The following SENP5 variants were observed in gnomAD, a reference collection of about 807,000 sequenced individuals.
SENP5 encodes sentrin-specific protease 5.
A neutral mutation model predicts 74.2 loss-of-function variants in SENP5; 21 were observed. That is an observed-to-expected ratio of 0.28 (90% confidence interval 0.20 to 0.41). The LOEUF (loss-of-function observed/expected upper bound fraction) is 0.41. SENP5 is among the 10% of genes least tolerant of loss of function. The pLI, the probability that SENP5 is intolerant of heterozygous loss-of-function variation, is 1.00. For missense variants in SENP5, 717 were observed against 889.1 expected (o/e 0.81, Z 2.46); for synonymous variants, 311 against 312.7 (o/e 0.99, Z 0.06).
chr3:196,918,736 TA>T (rs1715488988), intron 6 of SENP5, among the ~76,000 whole-genome samples: 1 of 151,686 alleles, frequency 6.6e-6, no homozygotes, highest in African/African-American at 2.4e-5. Flanking sequence ...GAAAGAAAAA[TA>T]AGACCCAACC....
chr3:196,914,582 A>ATATAT (rs1217677663), intron 6 of SENP5: 56 of 65,846 alleles, frequency 8.5e-4, no homozygotes, highest in African/African-American at 2.4e-3. Context: ...AAAAAAAAAA[A>ATATAT]AAAAATATAT....
intron 1 of SENP5, among the ~76,000 whole-genome samples, chr3:196,876,517 CA>C (rs11294142): frequency 0.42 from 39,539 of 95,236 alleles, 5,887 homozygotes; most frequent in East Asian, 0.74. Context: ...GATTCTGTCT[CA>C]AAAAAAAAAA....
At chr3:196,911,479 C>T (rs892416537) in intron 6 of SENP5, among the ~76,000 whole-genome samples, 1 of 151,560 alleles carries the variant, frequency 6.6e-6, no homozygotes, top group Non-Finnish European at 1.5e-5. Flanking sequence ...AATTGCTTGA[C>T]CTGGGAAGTG....
intron 6 of SENP5, among the ~76,000 whole-genome samples, chr3:196,918,853 AAGAG>A (rs1290852708): frequency 1.3e-5 from 2 of 151,344 alleles, no homozygotes; most frequent in Non-Finnish European, 2.9e-5. Flanking sequence ...AAGCCAAAAA[AAGAG>A]AGCAGAGTAG....
chr3:196,921,191 T>C (rs1254130192), intron 6 of SENP5, among the ~76,000 whole-genome samples: 3 of 152,244 alleles, frequency 2.0e-5, no homozygotes, highest in Admixed American at 2.0e-4. Flanking sequence ...AATTCACTTA[T>C]GTTTCATATT....
At chr3:196,876,738 G>T (rs1368661480) in intron 1 of SENP5, among the ~76,000 whole-genome samples, 1 of 149,132 alleles carries the variant, frequency 6.7e-6, no homozygotes, top group Non-Finnish European at 1.5e-5. Context: ...AAATTGCCAG[G>T]CGTGGTGGTG....
At chr3:196,898,020 A>AG (rs1429076654) in intron 2 of SENP5, among the ~76,000 whole-genome samples, 2 of 149,276 alleles carry the variant, frequency 1.3e-5, no homozygotes, top group East Asian at 3.9e-4. Flanking sequence ...AAAAAAAAAA[A>AG]TACAAAAATT....
chr3:196,875,176 C>T (rs1266247213), intron 1 of SENP5, among the ~76,000 whole-genome samples: 2 of 152,204 alleles, frequency 1.3e-5, no homozygotes, highest in African/African-American at 4.8e-5. Context: ...AGTGATACCA[C>T]TATCTACCTA....
intron 7 of SENP5, 120 bp from the exon 8 acceptor site, chr3:196,927,676 C>A: frequency 7.3e-6 from 4 of 545,912 alleles, no homozygotes; most frequent in South Asian, 2.6e-5. Flanking sequence ...CTTCTTAATG[C>A]ATATTCTGCC....
intron 7 of SENP5, among the ~76,000 whole-genome samples, chr3:196,926,491 A>G (rs1261748046): frequency 1.3e-5 from 2 of 152,058 alleles, no homozygotes; most frequent in Non-Finnish European, 2.9e-5. Flanking sequence ...CAAAAAAAAA[A>G]AAAAAAGAAT....
rs1283373978 is a variant in SENP5, at chr3:196,933,038, G to A, written c.*2115G>A. The A allele has an allele frequency of 5.1e-5, 2 of 38,872 alleles. No homozygotes were observed. Among genetic ancestry groups the A allele is most frequent in the Admixed American group, 3.9e-4 (1 of 2,586 alleles). The allele number at this position is 38,872 out of a possible 1,614,324, so 2.4% of individuals were successfully genotyped here. A position where few individuals can be genotyped will look rare whatever the true frequency, so the allele number is the denominator to read the frequency against. ...GTTTTTTGTTTTTTTTTTTTTTTGAGTCAGAGTCTCACTGTCCCTCAGGCT... is the reference window on the plus strand; with the variant it reads ...GTTTTTTGTTTTTTTTTTTTTTTGAATCAGAGTCTCACTGTCCCTCAGGCT... On this transcript the variant is annotated 3_prime_UTR_variant, in exon 10 of 10. Coordinates refer to ENST00000323460, the MANE Select transcript of SENP5 (RefSeq NM_152699.5).
intron 1 of SENP5, among the ~76,000 whole-genome samples, chr3:196,870,327 C>T (rs1423703849): frequency 6.6e-6 from 1 of 151,994 alleles, no homozygotes; most frequent in African/African-American, 2.4e-5. Flanking sequence ...GGTAAATAGG[C>T]CATCAGGCTG....
chr3:196,913,633 G>A (rs1183554830), intron 6 of SENP5, among the ~76,000 whole-genome samples: 3 of 143,666 alleles, frequency 2.1e-5, no homozygotes, highest in Non-Finnish European at 3.0e-5. Context: ...TGATGAAAAG[G>A]TTTATAAGAA....
intron 1 of SENP5, among the ~76,000 whole-genome samples, chr3:196,879,427 C>T (rs898051103): frequency 1.3e-5 from 2 of 152,192 alleles, no homozygotes; most frequent in African/African-American, 2.4e-5. Context: ...TAACTGCAAA[C>T]TCTCTTCTGG....
In SENP5 at chr3:196,931,042, T is replaced by C. The variant is rs747059030; in HGVS notation, c.*119T>C. ...TCAGATCAGTGGTGTTGGGCCACTA[T>C]TGTTACCTCAAATTTATTTTTTGCC... On this transcript the variant is annotated 3_prime_UTR_variant, in exon 10 of 10. Transcript: ENST00000323460. 1.5e-6 allele frequency: 1 copy of C among 661,276 alleles called. No homozygotes were observed. The highest frequency in any genetic ancestry group is 2.7e-6 in the Non-Finnish European group (1 of 366,222). 41.0% of individuals were successfully genotyped at this position (661,276 alleles called of 1,614,324 possible).
intron 6 of SENP5, among the ~76,000 whole-genome samples, chr3:196,922,649 C>T (rs1303300862): frequency 2.0e-5 from 3 of 152,142 alleles, no homozygotes; most frequent in Admixed American, 6.6e-5. Flanking sequence ...GAGACAAGGT[C>T]TGGCTCTGTC....
chr3:196,873,704 G>T (rs907260973), intron 1 of SENP5, among the ~76,000 whole-genome samples: 4 of 151,936 alleles, frequency 2.6e-5, no homozygotes, highest in African/African-American at 4.8e-5. Context: ...GCCGGGTGTG[G>T]TGGCGGGCGC....
chr3:196,900,226 A>G, intron 4 of SENP5, 139 bp from the exon 5 acceptor site: 1 of 1,044,622 alleles, frequency 9.6e-7, no homozygotes, highest in Non-Finnish European at 1.4e-6. Context: ...TATTGGCAGT[A>G]ATAATATATT....
chr3:196,895,518 TTTTA>T (rs1313330311), intron 2 of SENP5, among the ~76,000 whole-genome samples: 3 of 152,130 alleles, frequency 2.0e-5, no homozygotes, highest in Non-Finnish European at 4.4e-5. Context: ...AAAAGTTCTT[TTTTA>T]TTTTTTCAGT....
Sources: gnomAD v4.1 joint callset for allele counts (sites outside exome capture counted in the v4.1 genomes callset) on GRCh38, gnomAD v4.1.1 for gene constraint, MANE v1.5 for transcripts, NCBI Gene and HGNC (gene_info 2026-07-23, HGNC 2026-07-21) for gene names.